GRB2: variants seen among roughly 807,000 people sequenced by gnomAD.
The protein encoded by GRB2 is growth factor receptor bound protein 2, also known as growth factor receptor-bound protein 2.
A neutral mutation model predicts 27.4 loss-of-function variants in GRB2; 2 were observed. That is an observed-to-expected ratio of 0.07 (90% CI 0.03 to 0.23). The LOEUF (loss-of-function observed/expected upper bound fraction) is 0.23. Ranked by LOEUF, GRB2 falls within the 10% of genes least tolerant of loss-of-function variation. The probability of loss-of-function intolerance (pLI) is 1.00; values close to 1 mark genes in which losing one functional copy is unlikely to be tolerated. For synonymous variants in GRB2, 94 were observed against 99.6 expected, an observed-to-expected ratio of 0.94 and a Z score of 0.33; for missense variants, 102 against 282.4, an observed-to-expected ratio of 0.36 and a Z score of 4.58.
rs566094563 is a variant in GRB2 at position 75,330,725 on chromosome 17, G to A, written c.176+1975C>T. ...CAAAAAACAAAAAAAAAAAAGGTGG[G>A]CTTATACAACAGAAATAGCAAGGGC... is the stretch of plus-strand genomic sequence containing the variant. On this transcript the variant is annotated intron_variant, in intron 3 of 5. Coordinates refer to ENST00000316804, the MANE Select transcript of GRB2 (RefSeq NM_002086.5). Among the ~76,000 whole-genome samples the A allele has an allele frequency of 2.0e-4, 30 of 151,986 alleles. No individual in the cohort carries two copies. In the East Asian group the frequency reaches 5.8e-3, roughly 29 times the overall value.
At chr17:75,333,622 C>T (rs1054944841) in intron 2 of GRB2, among the ~76,000 whole-genome samples, 5 of 152,086 alleles carry the variant, frequency 3.3e-5, no homozygotes, top group African/African-American at 9.7e-5. Flanking sequence ...TCTGGGTTAC[C>T]GCAAGTACGG....
intron 2 of GRB2, among the ~76,000 whole-genome samples, chr17:75,353,800 A>G (rs2078709934): frequency 6.6e-6 from 1 of 151,858 alleles, no homozygotes; most frequent in African/African-American, 2.4e-5. Flanking sequence ...GCACTTTGGG[A>G]GGCCGAGGCA....
chr17:75,399,040 G>A (rs1329379479), intron 1 of GRB2, among the ~76,000 whole-genome samples: 2 of 151,074 alleles, frequency 1.3e-5, no homozygotes, highest in African/African-American at 2.4e-5. Context: ...GAGCCACTGC[G>A]CCCAGCCTAT....
At chr17:75,398,449 T>A (rs1278878870) in intron 1 of GRB2, among the ~76,000 whole-genome samples, 1 of 151,678 alleles carries the variant, frequency 6.6e-6, no homozygotes, top group African/African-American at 2.4e-5. Flanking sequence ...TTTGTAGAGA[T>A]GGGGTCTCCC....
Position 75,334,155 on chromosome 17 carries a change from A to AT in GRB2, c.79-1359dup, listed in dbSNP as rs200148922. The stretch of plus-strand genomic sequence containing the variant: ...CACTATACACATACCTATACGTTTT[A>AT]TTTTTTTTTAGATTTATTTATTTAT... On this transcript the variant is annotated intron_variant, in intron 2 of 5. Transcript: ENST00000316804. Among the ~76,000 whole-genome samples, 1,425 of 150,942 alleles carry AT rather than the reference A, an allele frequency of 9.4e-3. 20 individuals are homozygous for AT. Among genetic ancestry groups the AT allele is most frequent in the African/African-American group, 0.033 (1,345 of 41,094 alleles).
At chr17:75,346,091 G>T (rs2078652907) in intron 2 of GRB2, among the ~76,000 whole-genome samples, 1 of 151,884 alleles carries the variant, frequency 6.6e-6, no homozygotes, top group South Asian at 2.1e-4. Flanking sequence ...GAGAGTCGAG[G>T]TATTTCTGGA....
intron 3 of GRB2, among the ~76,000 whole-genome samples, chr17:75,330,146 G>T (rs2078529161): frequency 6.6e-6 from 1 of 150,874 alleles, no homozygotes; most frequent in Non-Finnish European, 1.5e-5. Flanking sequence ...CACTTTGGGA[G>T]GCCGAGGCGG....
chr17:75,352,508 T>C (rs938206275), intron 2 of GRB2, among the ~76,000 whole-genome samples: 2 of 152,196 alleles, frequency 1.3e-5, no homozygotes, highest in South Asian at 2.1e-4. Flanking sequence ...CCCATGATTC[T>C]GGGTCAGGCC....
chr17:75,371,494 T>C (rs1330477569), intron 2 of GRB2: 1 of 151,984 alleles, frequency 6.6e-6, no homozygotes, highest in Non-Finnish European at 1.5e-5. Flanking sequence ...TCCAACACAT[T>C]AAACTATGTT....
At chr17:75,384,330 G>A (rs964573873) in intron 2 of GRB2, among the ~76,000 whole-genome samples, 5 of 152,196 alleles carry the variant, frequency 3.3e-5, no homozygotes, top group African/African-American at 4.8e-5. Flanking sequence ...TAAACTAGAT[G>A]CAGAATGTAA....
At chr17:75,366,986 G>A (rs1052373382) in intron 2 of GRB2, among the ~76,000 whole-genome samples, 19 of 152,042 alleles carry the variant, frequency 1.2e-4, no homozygotes, top group African/African-American at 4.1e-4. Flanking sequence ...GGAAAAATAC[G>A]TGAGGCTTCA....
chr17:75,337,603 C>G (rs1372842378), intron 2 of GRB2, among the ~76,000 whole-genome samples: 1 of 146,722 alleles, frequency 6.8e-6, no homozygotes, highest in African/African-American at 2.5e-5. Context: ...TGGAGTCTCG[C>G]TCTGTCGCCC....
At position 75,335,376 on chromosome 17, in the gene GRB2, T is replaced by C. The variant is rs927264904; in HGVS notation, c.79-2579A>G. Among the ~76,000 whole-genome samples the C allele has an allele frequency of 2.6e-5, 4 of 152,156 alleles. No individual in the cohort carries two copies. The East Asian group carries it at 7.7e-4, about 29-fold the overall frequency. ...TCTGAGAGGAAACTGGTAACATTCT[T>C]TACAAAATGATTTATTCAAGATGTT... On this transcript the variant is annotated intron_variant, in intron 2 of 5. Transcript: ENST00000316804.
At chr17:75,345,694 T>C (rs1043993396) in intron 2 of GRB2, among the ~76,000 whole-genome samples, 1 of 151,866 alleles carries the variant, frequency 6.6e-6, no homozygotes, top group African/African-American at 2.4e-5. Context: ...GGCAAGTCCC[T>C]ACCCCCACCC....
At chr17:75,384,084 T>C (rs2078947183) in intron 2 of GRB2, among the ~76,000 whole-genome samples, 1 of 152,090 alleles carries the variant, frequency 6.6e-6, no homozygotes, top group African/African-American at 2.4e-5. Flanking sequence ...ACTTCAGATG[T>C]CTCTCATTCC....
At chr17:75,350,560 C>T (rs927729815) in intron 2 of GRB2, among the ~76,000 whole-genome samples, 1 of 152,146 alleles carries the variant, frequency 6.6e-6, no homozygotes, top group African/African-American at 2.4e-5. Context: ...GGCGCGATCT[C>T]GGCTCACTGC....
intron 2 of GRB2, among the ~76,000 whole-genome samples, chr17:75,362,308 A>T (rs924131443): frequency 2.0e-5 from 3 of 152,196 alleles, no homozygotes; most frequent in African/African-American, 7.2e-5. Flanking sequence ...CTGATACCAC[A>T]GATGAAAATA....
intron 2 of GRB2, among the ~76,000 whole-genome samples, chr17:75,389,599 C>T (rs2078985815): frequency 6.6e-6 from 1 of 152,200 alleles, no homozygotes; most frequent in Non-Finnish European, 1.5e-5. Context: ...GTAATCCCAG[C>T]ACTTTGGGAG....
intron 2 of GRB2, among the ~76,000 whole-genome samples, chr17:75,347,087 C>T (rs752881008): frequency 6.6e-6 from 1 of 152,152 alleles, no homozygotes; most frequent in South Asian, 2.1e-4. Context: ...AACTCCTCCC[C>T]CTTCCTTCTC....
Sources: allele counts gnomAD v4.1 joint callset (sites outside exome capture counted in the v4.1 genomes callset), GRCh38; gene constraint gnomAD v4.1.1; transcripts MANE v1.5; gene names NCBI Gene and HGNC (gene_info 2026-07-23, HGNC 2026-07-21).